Variants in PCDHA7 observed in about 807,000 individuals in gnomAD.
The protein encoded by PCDHA7 is protocadherin alpha 7, also known as protocadherin alpha-7.
Under a neutral mutation model 57.2 loss-of-function variants are expected in PCDHA7, and 37 were observed. The ratio of observed to expected loss-of-function variants is 0.65; its 90% confidence interval spans 0.50 to 0.85. The LOEUF (loss-of-function observed/expected upper bound fraction) is 0.85, where lower values mean the gene tolerates loss of function less well. Among genes scored for constraint, PCDHA7 ranks in the 40% least tolerant of loss-of-function variants. PCDHA7 has a pLI of 0.00. For synonymous variants in PCDHA7, 553 were observed against 558.8 expected, an observed-to-expected ratio of 0.99 and a Z score of 0.15; for missense variants, 1,188 against 1,241.8, an observed-to-expected ratio of 0.96 and a Z score of 0.65.
At chr5:140,928,319 A>AGAAT (rs1554205765) in intron 1 of PCDHA7, 1 of 1,614,082 alleles carries the variant, frequency 6.2e-7, no homozygotes, top group Non-Finnish European at 8.5e-7. Flanking sequence ...GACCTGGGGA[A>AGAAT]GAATGGCCTT....
chr5:140,920,692 A>G (rs552577858), intron 1 of PCDHA7, among the ~76,000 whole-genome samples: 2 of 152,232 alleles, frequency 1.3e-5, no homozygotes, highest in Non-Finnish European at 2.9e-5. Flanking sequence ...AAAAATACAA[A>G]CATTAGCTTG....
rs782337552 is a variant in PCDHA7, at chr5:140,856,686, C to G, written c.2355+19948C>G. On this transcript the variant is annotated intron_variant, in intron 1 of 3. Transcript: ENST00000525929. ...CCTCAGCTAAAGTTGTTGTTGACAG[C>G]AACTGATGGAGGCAAACCTGAATTT... is the stretch of plus-strand genomic sequence containing the variant. The G allele has an allele frequency of 1.9e-6, 3 of 1,597,202 alleles. No individual in the cohort carries two copies. The East Asian group carries it at 6.7e-5, about 36-fold the overall frequency.
At chr5:140,854,143 C>CA (rs1554147026) in intron 1 of PCDHA7, 3 of 432,586 alleles carry the variant, frequency 6.9e-6, no homozygotes, top group Non-Finnish European at 8.7e-6. Flanking sequence ...GCCCGGGTGA[C>CA]AGCAAGATTC....
intron 3 of PCDHA7, among the ~76,000 whole-genome samples, chr5:140,985,013 C>T (rs1022576947): frequency 8.6e-5 from 13 of 152,046 alleles, no homozygotes; most frequent in Non-Finnish European, 1.3e-4. Context: ...TATCGGCTCA[C>T]AGCAACCTCT....
At chr5:140,953,996 T>C (rs989520486) in intron 1 of PCDHA7, among the ~76,000 whole-genome samples, 1 of 152,158 alleles carries the variant, frequency 6.6e-6, no homozygotes, top group African/African-American at 2.4e-5. Context: ...TCATGTGTAC[T>C]CATCATTCAG....
chr5:140,843,344 G>C lies in PCDHA7; in HGVS notation c.2355+6606G>C, dbSNP rs201264675. ...GGTGTCGCTGGTGGAGAGCGGCCAGGCTCCAAAAGCGTCATCGAGGCAGTC... is the reference window on the plus strand; with the variant it reads ...GGTGTCGCTGGTGGAGAGCGGCCAGCCTCCAAAAGCGTCATCGAGGCAGTC... On this transcript the variant is annotated intron_variant, in intron 1 of 3. Transcript: ENST00000525929. The C allele has an allele frequency of 3.6e-5, 58 of 1,595,962 alleles. 5 individuals carry two copies. Among genetic ancestry groups the C allele is most frequent in the Non-Finnish European group, 4.3e-5 (50 of 1,165,608 alleles).
intron 1 of PCDHA7, among the ~76,000 whole-genome samples, chr5:140,874,252 G>A (rs532178726): frequency 6.6e-6 from 1 of 152,286 alleles, no homozygotes; most frequent in Non-Finnish European, 1.5e-5. Flanking sequence ...TTGGTTTAAA[G>A]ATTTTGACTT....
At chr5:140,973,586 C>T (rs1207651483) in intron 1 of PCDHA7, among the ~76,000 whole-genome samples, 2 of 152,176 alleles carry the variant, frequency 1.3e-5, no homozygotes, top group African/African-American at 4.8e-5. Context: ...GACTGCTGAG[C>T]CAGATGGAAT....
At chr5:140,876,894 C>G in intron 1 of PCDHA7, 2 of 1,614,132 alleles carry the variant, frequency 1.2e-6, no homozygotes, top group Non-Finnish European at 1.7e-6. Context: ...GCTGCCACAT[C>G]TTCACGGTGT....
At chr5:140,904,152 C>T (rs782254163) in intron 1 of PCDHA7, among the ~76,000 whole-genome samples, 16 of 152,024 alleles carry the variant, frequency 1.1e-4, no homozygotes, top group Non-Finnish European at 2.2e-4. Context: ...ATACATTGCA[C>T]CCAGTTTGTA....
intron 1 of PCDHA7, chr5:140,843,699 T>C: frequency 6.3e-7 from 1 of 1,582,804 alleles, no homozygotes; most frequent in Non-Finnish European, 8.7e-7. Flanking sequence ...GATTTAAATG[T>C]TGATCATGGC....
intron 2 of PCDHA7, 80 bp downstream of exon 2, chr5:140,979,087 A>C (rs1284249394): frequency 6.4e-7 from 1 of 1,561,170 alleles, no homozygotes; most frequent in Non-Finnish European, 8.7e-7. Flanking sequence ...CATAGGCCAG[A>C]AGCAGCTGTC....
intron 1 of PCDHA7, chr5:140,854,391 A>C (rs251359): frequency 0.5 from 77,721 of 154,576 alleles, 22,387 homozygotes; most frequent in South Asian, 0.62. Flanking sequence ...TTACATTTTA[A>C]TTCAGGGTTT....
intron 1 of PCDHA7, among the ~76,000 whole-genome samples, chr5:140,891,410 A>T: frequency 7.7e-6 from 1 of 130,320 alleles, no homozygotes; most frequent in East Asian, 2.5e-4. Context: ...GCCACCCCCC[A>T]CTCTTGCCCC....
chr5:140,969,998 G>A (rs1345371434), intron 1 of PCDHA7, among the ~76,000 whole-genome samples: 2 of 152,220 alleles, frequency 1.3e-5, no homozygotes, highest in Non-Finnish European at 2.9e-5. Flanking sequence ...GGCTGTCAGA[G>A]GGAGTGGATG....
At chr5:140,919,910 A>C (rs1350361054) in intron 1 of PCDHA7, among the ~76,000 whole-genome samples, 1 of 152,204 alleles carries the variant, frequency 6.6e-6, no homozygotes. Flanking sequence ...GGATGAAATT[A>C]CCCTAAATTT....
chr5:140,925,447 T>G (rs2153577798), intron 1 of PCDHA7, among the ~76,000 whole-genome samples: 1 of 152,154 alleles, frequency 6.6e-6, no homozygotes, highest in Non-Finnish European at 1.5e-5. Context: ...AGAATTTGGG[T>G]GTATCTGTTG....
chr5:140,853,712 G>A (rs2042842322), intron 1 of PCDHA7: 2 of 988,190 alleles, frequency 2.0e-6, no homozygotes, highest in Non-Finnish European at 2.4e-6. Flanking sequence ...ATTAGCATTA[G>A]CAGCACCTAA....
At chr5:140,974,009 A>C (rs1554235749) in intron 1 of PCDHA7, among the ~76,000 whole-genome samples, 2 of 152,236 alleles carry the variant, frequency 1.3e-5, no homozygotes, top group African/African-American at 4.8e-5. Flanking sequence ...TGTTTTGTGC[A>C]TGTGATAATA....
Sources: gnomAD v4.1 joint callset for allele counts (sites outside exome capture counted in the v4.1 genomes callset) on GRCh38, gnomAD v4.1.1 for gene constraint, MANE v1.5 for transcripts, NCBI Gene and HGNC (gene_info 2026-07-23, HGNC 2026-07-21) for gene names.